The following ZNF749 variants were observed in gnomAD, a reference collection of about 807,000 sequenced individuals.
The protein encoded by ZNF749 is zinc finger protein 749.
A neutral mutation model predicts 7.3 loss-of-function variants in ZNF749; 8 were observed. That is an observed-to-expected ratio of 1.10 (90% CI 0.64 to 1.98). The LOEUF is 1.98. Among genes scored for constraint, ZNF749 ranks in the 30% most tolerant of loss-of-function variants. The pLI, the probability that ZNF749 is intolerant of heterozygous loss-of-function variation, is 0.00. For synonymous variants in ZNF749, 310 were observed against 322.4 expected (o/e 0.96, Z 0.41); for missense variants, 898 against 932.4 (o/e 0.96, Z 0.48).
chr19:57,435,507 C>T lies in ZNF749; in HGVS notation c.-72C>T, dbSNP rs1346471977. On this transcript the variant is annotated 5_prime_UTR_variant, in exon 1 of 3. Transcript: ENST00000334181. ...GCTGAGTCGGCTGCAGGCGCCCCTGCCTCCGTCAGCGTCCAGGTGACCGCC... is the reference window on the plus strand; with the variant it reads ...GCTGAGTCGGCTGCAGGCGCCCCTGTCTCCGTCAGCGTCCAGGTGACCGCC... 7 of 1,555,934 alleles carry T rather than the reference C, an allele frequency of 4.5e-6. No homozygotes were observed. The Admixed American group carries it at 5.8e-5, about 13-fold the overall frequency.
At position 57,443,606 on chromosome 19, in the gene ZNF749, C is replaced by T; in HGVS notation, c.458C>T (p.Thr153Ile). The T allele has an allele frequency of 6.2e-7, 1 of 1,614,276 alleles. No individual in the cohort carries two copies. The highest frequency in any genetic ancestry group is 8.5e-7 in the Non-Finnish European group (1 of 1,180,048). Residue 153 changes from threonine (T) to isoleucine (I), a missense_variant, in exon 3 of 3, where the codon ACA becomes ATA. Thr to Ile is a moderately conservative substitution (Grantham distance 89). Transcript: ENST00000334181. ...GCTCACGTGGGAGAGAGGAACTTCA[C>T]ATGCACGCAGGGTGGCAAGGATTTT... ...HSAHVGERNF[T>I]CTQGGKDFTA...
Position 57,446,389 on chromosome 19 carries a change from G to A in ZNF749, c.*904G>A, listed in dbSNP as rs2089065773. Among the ~76,000 whole-genome samples the A allele has an allele frequency of 6.6e-6, 1 of 152,116 alleles. No individual in the cohort carries two copies. The highest frequency in any genetic ancestry group is 2.4e-5 in the African/African-American group (1 of 41,410). Reference sequence around the variant, plus strand: ...ATTGGCTTCCATGAAACCAGTCCCTGGTGCCAAAGAGGTTGGGGACCGCTG... The same window carrying A: ...ATTGGCTTCCATGAAACCAGTCCCTAGTGCCAAAGAGGTTGGGGACCGCTG... On this transcript the variant is annotated 3_prime_UTR_variant, in exon 3 of 3. Transcript: ENST00000334181.
At chr19:57,434,979 C>T (rs369662190), upstream of ZNF749, among the ~76,000 whole-genome samples, 8 of 152,220 alleles carry the variant, frequency 5.3e-5, no homozygotes, top group African/African-American at 1.9e-4. Flanking sequence ...AACGACAGGT[C>T]TCTGAAATAT....
chr19:57,445,621 C>T lies in ZNF749; in HGVS notation c.*136C>T. The T allele has an allele frequency of 2.1e-6, 3 of 1,404,232 alleles. No homozygotes were observed. The South Asian group carries it at 4.6e-5, about 22-fold the overall frequency. The allele number at this position is 1,404,232 out of a possible 1,614,324, so 87.0% of individuals were successfully genotyped here. ...GATGGAAATCTGCGAGGATTTCCTG[C>T]TGGGAACTACATTAAAAACATTTAT... On this transcript the variant is annotated 3_prime_UTR_variant, in exon 3 of 3. Coordinates refer to ENST00000334181, the MANE Select transcript of ZNF749 (RefSeq NM_001023561.4).
rs749304782 is a variant in ZNF749 at position 57,435,356 on chromosome 19, C to G, written c.-223C>G. 1.5e-6 allele frequency: 1 copy of G among 650,938 alleles called. No individual in the cohort carries two copies. Among genetic ancestry groups the G allele is most frequent in the Non-Finnish European group, 2.6e-6 (1 of 381,002 alleles). The allele number at this position is 650,938 out of a possible 1,614,324, so 40.3% of individuals were successfully genotyped here. ...GGCGGCGCCCTCATGGTTGCGTTAG[C>G]ATGGCTACCTAGGGATCTGTTCACT... On this transcript the variant is annotated 5_prime_UTR_variant, in exon 1 of 3. Transcript: ENST00000334181.
Position 57,443,598 on chromosome 19 carries a change from G to C in ZNF749, c.450G>C (p.Arg150Ser). ...FVNHSAHVGERNFTCTQGGKD... is the reference protein window; with the variant it reads ...FVNHSAHVGESNFTCTQGGKD... ...ACCACAGTGCTCACGTGGGAGAGAG[G>C]AACTTCACATGCACGCAGGGTGGCA... Residue 150 changes from arginine (R) to serine (S), a missense_variant, in exon 3 of 3, where the codon AGG becomes AGC. Transcript: ENST00000334181. The C allele has an allele frequency of 6.2e-7, 1 of 1,614,216 alleles. No individual in the cohort carries two copies. The highest frequency in any genetic ancestry group is 1.1e-5 in the South Asian group (1 of 91,080).
chr19:57,443,348 G>T lies in ZNF749; in HGVS notation c.200G>T (p.Arg67Ile). 6.2e-7 allele frequency: 1 copy of T among 1,614,124 alleles called. No individual in the cohort carries two copies. The highest frequency in any genetic ancestry group is 8.5e-7 in the Non-Finnish European group (1 of 1,179,954). Residue 67 changes from arginine to isoleucine, a missense_variant, in exon 3 of 3, where the codon AGA (arginine) becomes ATA (isoleucine). Coordinates refer to ENST00000334181, the MANE Select transcript of ZNF749 (RefSeq NM_001023561.4). ...CCTTCCAAGCAGTGTGTTTCTGTAA[G>T]AGTGTTACAGGTCACAATTCCAAAG... is the stretch of plus-strand genomic sequence containing the variant. ...EVPSKQCVSVRVLQVTIPKPA... is the reference protein window; with the variant it reads ...EVPSKQCVSVIVLQVTIPKPA...
Position 57,443,433 on chromosome 19 carries a change from C to A in ZNF749, c.285C>A (p.Asp95Glu), listed in dbSNP as rs1370151746. The part of the protein sequence containing the change: ...PCKMCSSILK[D>E]ILHLAEHDGT... ...AGATGTGTAGCTCAATTCTGAAGGA[C>A]ATTCTGCACCTGGCTGAGCACGATG... The change falls in exon 3 of 3, where the codon GAC becomes GAA. Residue 95 changes from aspartate (D) to glutamate (E), a missense_variant. Physicochemically the swap from Asp to Glu is conservative, Grantham distance 45. Coordinates refer to ENST00000334181, the MANE Select transcript of ZNF749 (RefSeq NM_001023561.4). 1 of 1,614,248 alleles carries A rather than the reference C, an allele frequency of 6.2e-7. No homozygotes were observed. Among genetic ancestry groups the A allele is most frequent in the Non-Finnish European group, 8.5e-7 (1 of 1,180,038 alleles).
In ZNF749 at chr19:57,444,371, G is replaced by C; in HGVS notation, c.1223G>C (p.Arg408Thr). The change falls in exon 3 of 3, where the codon AGG (arginine) becomes ACG (threonine). Residue 408 changes from arginine (R) to threonine (T), a missense_variant. Coordinates refer to ENST00000334181, the MANE Select transcript of ZNF749 (RefSeq NM_001023561.4). The part of the protein sequence containing the change: ...NMHQRVHAGK[R>T]LYKCSECGKA... ...CACCAGAGAGTTCATGCTGGCAAAA[G>C]GCTTTATAAGTGTAGCGAATGTGGG... 2 of 1,614,102 alleles carry C rather than the reference G, an allele frequency of 1.2e-6. No homozygotes were observed. Among genetic ancestry groups the C allele is most frequent in the Non-Finnish European group, 1.7e-6 (2 of 1,179,978 alleles).
upstream of ZNF749, chr19:57,435,265 C>T: frequency 1.9e-6 from 1 of 521,998 alleles, no homozygotes; most frequent in Non-Finnish European, 3.4e-6. Context: ...GGCAGGGCAG[C>T]GAGTGTAGCC....
chr19:57,429,215 G>A, the ZNF749 span, among the ~76,000 whole-genome samples: 1 of 152,074 alleles, frequency 6.6e-6, no homozygotes, highest in African/African-American at 2.4e-5. This position sits in a 1 kb window ranked among gnomAD's most constrained non-coding sequence, Gnocchi z 4.2. Context: ...TAGTAGAGAT[G>A]GGGTTTTGCC....
chr19:57,429,235 G>A, the ZNF749 span, among the ~76,000 whole-genome samples: 16 of 152,012 alleles, frequency 1.1e-4, no homozygotes, highest in East Asian at 7.8e-4. The surrounding 1 kb of genome is among the most constrained non-coding windows in gnomAD (Gnocchi z 4.2). Flanking sequence ...CATATTGGCC[G>A]GGCTGGTCTC....
rs2088995192 is a variant in ZNF749 at position 57,441,965 on chromosome 19, G to A, written c.96G>A (p.Leu32=). ...TCCTTAATGATGCTCAGAGACACCT[G>A]CACAGCAATGTGATGTTGGAGAACT... ...WGILNDAQRH[L]HSNVMLENFA... Residue 32 remains leucine, a synonymous_variant, in exon 2 of 3, where the codon CTG becomes CTA. Coordinates refer to ENST00000334181, the MANE Select transcript of ZNF749 (RefSeq NM_001023561.4). 6.2e-7 allele frequency: 1 copy of A among 1,614,050 alleles called. No homozygotes were observed. Among genetic ancestry groups the A allele is most frequent in the Admixed American group, 1.7e-5 (1 of 60,008 alleles).
At position 57,445,252 on chromosome 19, in the gene ZNF749, A is replaced by G; in HGVS notation, c.2104A>G (p.Arg702Gly). The change falls in exon 3 of 3, where the codon AGG becomes GGG. Residue 702 changes from arginine (R) to glycine (G), a missense_variant. Physicochemically the swap from Arg to Gly is moderately radical, Grantham distance 125. Transcript: ENST00000334181. Reference sequence around the variant, plus strand: ...GAAGCCTCATGAGTGCAGTAAATGTAGGGAATTGTTTAGGACTAAATCGAG... The same window carrying G: ...GAAGCCTCATGAGTGCAGTAAATGTGGGGAATTGTTTAGGACTAAATCGAG... Reference protein sequence around the residue: ...GEKPHECSKCRELFRTKSSLI... With the variant: ...GEKPHECSKCGELFRTKSSLI... 6.2e-7 allele frequency: 1 copy of G among 1,614,004 alleles called. No homozygotes were observed. Among genetic ancestry groups the G allele is most frequent in the Non-Finnish European group, 8.5e-7 (1 of 1,179,890 alleles).
rs2089058161 is a variant in ZNF749, at chr19:57,445,709, A to C, written c.*224A>C. 3.4e-6 allele frequency: 1 copy of C among 293,324 alleles called. No homozygotes were observed. Among genetic ancestry groups the C allele is most frequent in the African/African-American group, 2.3e-5 (1 of 43,746 alleles). The allele number at this position is 293,324 out of a possible 1,614,324, so 18.2% of individuals were successfully genotyped here. On this transcript the variant is annotated 3_prime_UTR_variant, in exon 3 of 3. Coordinates refer to ENST00000334181, the MANE Select transcript of ZNF749 (RefSeq NM_001023561.4). ...TTTGGGAGGCAGAGGTGGGTGGATC[A>C]CCTGAGGTCAGGAGTTTGAGACCAG...
In ZNF749 at chr19:57,445,100, A is replaced by G. The variant is rs2089046519; in HGVS notation, c.1952A>G (p.Asp651Gly). 2 of 1,613,550 alleles carry G rather than the reference A, an allele frequency of 1.2e-6. No homozygotes were observed. The highest frequency in any genetic ancestry group is 2.7e-5 in the African/African-American group (2 of 74,874). The change falls in exon 3 of 3, where the codon GAT becomes GGT. Residue 651 changes from aspartate (D) to glycine (G), a missense_variant. Physicochemically the swap from Asp to Gly is moderately conservative, Grantham distance 94. Coordinates refer to ENST00000334181, the MANE Select transcript of ZNF749 (RefSeq NM_001023561.4). ...AGTGAATGTGGGAAATTTTTTAGAGATAGCTACAAACTCATTATTCATCAG... is the reference window on the plus strand; with the variant it reads ...AGTGAATGTGGGAAATTTTTTAGAGGTAGCTACAAACTCATTATTCATCAG... ...ECSECGKFFR[D>G]SYKLIIHQRV...
At chr19:57,440,928 C>T (rs948244676) in intron 1 of ZNF749, among the ~76,000 whole-genome samples, 10 of 151,862 alleles carry the variant, frequency 6.6e-5, no homozygotes, top group African/African-American at 2.4e-4. Context: ...GAGTTCGAGA[C>T]CCGCCTGCCC....
At chr19:57,430,263 A>G in the ZNF749 span, among the ~76,000 whole-genome samples, 1 of 152,210 alleles carries the variant, frequency 6.6e-6, no homozygotes, top group Non-Finnish European at 1.5e-5. Flanking sequence ...TTCTCGCTGC[A>G]TCATAACATG....
chr19:57,446,494 C>G lies in ZNF749; in HGVS notation c.*1009C>G, dbSNP rs1479733525. Among the ~76,000 whole-genome samples, 1 of 152,206 alleles carries G rather than the reference C, an allele frequency of 6.6e-6. No individual in the cohort carries two copies. The highest frequency in any genetic ancestry group is 1.5e-5 in the Non-Finnish European group (1 of 68,046). On this transcript the variant is annotated 3_prime_UTR_variant, in exon 3 of 3. Coordinates refer to ENST00000334181, the MANE Select transcript of ZNF749 (RefSeq NM_001023561.4). ...ACTGTATGAATTTTACTATAAATAT[C>G]TCATATGAGGAAACTTAAGTTTTAG...
Sources: gnomAD v4.1 joint callset for allele counts (sites outside exome capture counted in the v4.1 genomes callset) on GRCh38, gnomAD v4.1.1 for gene constraint, Gnocchi (gnomAD v3.1) non-coding constraint, MANE v1.5 for transcripts, NCBI Gene and HGNC (gene_info 2026-07-23, HGNC 2026-07-21) for gene names.